Variants in KDM5A observed in about 807,000 individuals in gnomAD.
The protein encoded by KDM5A is lysine demethylase 5A, also known as lysine-specific demethylase 5A.
A neutral mutation model predicts 193.5 loss-of-function variants in KDM5A; 42 were observed. The observed-to-expected ratio is 0.22, with a 90% confidence interval of 0.17 to 0.28. The LOEUF is 0.28. Ranked by LOEUF, KDM5A falls within the 10% of genes least tolerant of loss-of-function variation. KDM5A has a pLI of 1.00. For missense variants in KDM5A, 1,692 were observed against 2,055.1 expected, an observed-to-expected ratio of 0.82 and a Z score of 3.42; for synonymous variants, 796 against 718.1, an observed-to-expected ratio of 1.11 and a Z score of -1.73.
chr12:313,765 C>T lies in KDM5A; in HGVS notation c.2898-571G>A, dbSNP rs149137890. On this transcript the variant is annotated intron_variant, in intron 19 of 27. Coordinates refer to ENST00000399788, the MANE Select transcript of KDM5A (RefSeq NM_001042603.3). ...ATTATGCTTCTACTGGGAACTAAAA[C>T]CAAATTACTATAAACTCACTGTTAT... Among the ~76,000 whole-genome samples, 266 of 152,236 alleles carry T rather than the reference C, an allele frequency of 1.7e-3. 2 individuals are homozygous for T. The highest frequency in any genetic ancestry group is 6.0e-3 in the African/African-American group (250 of 41,540).
intron 10 of KDM5A, among the ~76,000 whole-genome samples, chr12:341,826 G>A (rs998376815): frequency 4.6e-5 from 7 of 151,826 alleles, no homozygotes; most frequent in African/African-American, 1.7e-4. Flanking sequence ...CTTGAACCTG[G>A]GAGGTGGAGG....
intron 7 of KDM5A, 87 bp from the exon 8 acceptor site, chr12:354,321 T>C (rs1944203273): frequency 3.5e-6 from 3 of 865,728 alleles, no homozygotes; most frequent in South Asian, 3.4e-5. Context: ...ATAAACAAAA[T>C]AATGCAACTG....
At chr12:338,666 G>C (rs1943962963) in intron 10 of KDM5A, among the ~76,000 whole-genome samples, 1 of 152,130 alleles carries the variant, frequency 6.6e-6, no homozygotes, top group South Asian at 2.1e-4. Context: ...TACAACCACA[G>C]TATCATCTCA....
In KDM5A at chr12:307,130, T is replaced by TA. The variant is rs1429363986; in HGVS notation, c.3931-42dup. On this transcript the variant is annotated intron_variant, in intron 23 of 27. Transcript: ENST00000399788. The surrounding 1 kb of genome is among the most constrained non-coding windows in gnomAD (Gnocchi z 4.3). ...TTCCAAGATGAACAGCAAGACATGC[T>TA]AAACAGACAGGGTAATTAATGTGTG... 3.1e-6 allele frequency: 5 copies of TA among 1,612,238 alleles called. No homozygotes were observed. The highest frequency in any genetic ancestry group is 1.7e-5 in the Admixed American group (1 of 60,020).
intron 4 of KDM5A, among the ~76,000 whole-genome samples, chr12:365,045 T>C (rs1354202158): frequency 6.6e-6 from 1 of 152,108 alleles, no homozygotes; most frequent in Non-Finnish European, 1.5e-5. Context: ...TGACACATGC[T>C]ATAGCATGGC....
chr12:371,783 G>A (rs1162748961), intron 3 of KDM5A, among the ~76,000 whole-genome samples: 1 of 152,122 alleles, frequency 6.6e-6, no homozygotes, highest in Non-Finnish European at 1.5e-5. Context: ...TTTTGTATAA[G>A]TTGTAAGGAA....
In KDM5A at chr12:295,801, A is replaced by C. The variant is rs1943363543; in HGVS notation, c.4235-8T>G. 6.2e-7 allele frequency: 1 copy of C among 1,612,144 alleles called. No individual in the cohort carries two copies. ...TCCTTGGGGTGCTAGAACCTTTCCC[A>C]AAAAATACCATAAAACAAAGCAAAA... On this transcript the variant is annotated splice_polypyrimidine_tract_variant and splice_region_variant and intron_variant, in intron 25 of 27. Coordinates refer to ENST00000399788, the MANE Select transcript of KDM5A (RefSeq NM_001042603.3).
Position 295,690 on chromosome 12 carries a change from T to A in KDM5A, c.4338A>T (p.Glu1446Asp). ...GGAGATCTCCAACCATCATAAGTTC[T>A]TCCAGTTGTGCCTTAGCTCCAGGTG... ...ELSPGAKAQL[E>D]ELMMVGDLLE... Residue 1446 changes from glutamate to aspartate, a missense_variant, in exon 26 of 28, where the codon GAA becomes GAT. Physicochemically the swap from Glu to Asp is conservative, Grantham distance 45 (BLOSUM62 2). Transcript: ENST00000399788. 6.2e-7 allele frequency: 1 copy of A among 1,614,174 alleles called. No individual in the cohort carries two copies. Among genetic ancestry groups the A allele is most frequent in the Non-Finnish European group, 8.5e-7 (1 of 1,180,010 alleles).
chr12:320,314 G>T lies in KDM5A; in HGVS notation c.2541+681C>A, dbSNP rs186778206. 2.2e-4 allele frequency among the ~76,000 whole-genome samples: 33 copies of T among 152,162 alleles called. No homozygotes were observed. In the Middle Eastern group the frequency reaches 0.01, roughly 47 times the overall value. On this transcript the variant is annotated intron_variant, in intron 18 of 27. Coordinates refer to ENST00000399788, the MANE Select transcript of KDM5A (RefSeq NM_001042603.3). ...GAGTTTGAAACCAGCCTGCTAACAT[G>T]GCGAAAACCCACCTCTACTAAAACT... is the stretch of plus-strand genomic sequence containing the variant.
chr12:333,390 G>T, intron 12 of KDM5A, 97 bp downstream of exon 12: 1 of 1,374,918 alleles, frequency 7.3e-7, no homozygotes, highest in Non-Finnish European at 1.0e-6. Flanking sequence ...CTGCACTCCA[G>T]CCTGGGCAAC....
intron 27 of KDM5A, among the ~76,000 whole-genome samples, chr12:286,773 C>T (rs1212882494): frequency 6.6e-6 from 1 of 152,132 alleles, no homozygotes. Flanking sequence ...GTCAAAACCA[C>T]AGTAGTCACG....
intron 3 of KDM5A, among the ~76,000 whole-genome samples, chr12:377,668 A>C (rs1944524229): frequency 1.3e-5 from 2 of 152,222 alleles, no homozygotes; most frequent in Admixed American, 1.3e-4. Context: ...AAAAGGTCCT[A>C]AAAAATGTAT....
rs1274262814 is a variant in KDM5A, at chr12:307,762, C to A, written c.3622G>T (p.Val1208Leu). ...ATACAAAGAGGGCAAAGGAATTTTA[C>A]TTCTTTAGCTTGCCAGCTGGATCCT... ...KKGSSWQAKE[V>L]KFLCPLCMRS... Residue 1208 changes from valine (V) to leucine (L), a missense_variant, in exon 23 of 28, where the codon GTA becomes TTA. This residue lies in a region of KDM5A where 965 missense variants were observed against 1,061.0 expected (regional missense o/e 0.91). Coordinates refer to ENST00000399788, the MANE Select transcript of KDM5A (RefSeq NM_001042603.3). This position sits in a 1 kb window ranked among gnomAD's most constrained non-coding sequence, Gnocchi z 4.3. The A allele has an allele frequency of 6.2e-7, 1 of 1,614,186 alleles. No individual in the cohort carries two copies. Among genetic ancestry groups the A allele is most frequent in the Non-Finnish European group, 8.5e-7 (1 of 1,180,038 alleles).
At chr12:361,355 C>T (rs1012016477) in intron 5 of KDM5A, among the ~76,000 whole-genome samples, 8 of 151,932 alleles carry the variant, frequency 5.3e-5, no homozygotes, top group African/African-American at 1.7e-4. Context: ...CCACCACGCC[C>T]GGCTAATTTT....
Position 311,056 on chromosome 12 carries a change from G to A in KDM5A, c.3045C>T (p.Ser1015=), listed in dbSNP as rs776901877. 6.2e-7 allele frequency: 1 copy of A among 1,614,052 alleles called. No individual in the cohort carries two copies. The highest frequency in any genetic ancestry group is 1.3e-5 in the African/African-American group (1 of 75,042). Residue 1015 remains serine, a synonymous_variant, in exon 21 of 28, where the codon AGC becomes AGT. Coordinates refer to ENST00000399788, the MANE Select transcript of KDM5A (RefSeq NM_001042603.3). Reference sequence around the variant, plus strand: ...CAAGCTGCTCCAAATAAGCGTAATTGCTGCCACTCTGAAAAACCAAAGTAG... The same window carrying A: ...CAAGCTGCTCCAAATAAGCGTAATTACTGCCACTCTGAAAAACCAAAGTAG... ...TAKVEAIQSG[S]NYAYLEQLES... is the part of the protein sequence containing the mutation.
At chr12:360,985 G>A (rs971507177) in intron 5 of KDM5A, among the ~76,000 whole-genome samples, 4 of 152,054 alleles carry the variant, frequency 2.6e-5, no homozygotes, top group South Asian at 2.1e-4. Context: ...TTTTGTGTAC[G>A]GGGCAAGAAG....
chr12:375,518 G>A (rs929493681), intron 3 of KDM5A, among the ~76,000 whole-genome samples: 1 of 152,172 alleles, frequency 6.6e-6, no homozygotes, highest in Non-Finnish European at 1.5e-5. Flanking sequence ...CGATGGGTTC[G>A]AACTTCCTCC....
chr12:306,758 A>G, intron 24 of KDM5A, 188 bp downstream of exon 24: 1 of 645,126 alleles, frequency 1.6e-6, no homozygotes, highest in Admixed American at 2.6e-5. Context: ...AAAAAAAAAA[A>G]AATTGTTTCA....
At chr12:341,040 A>G (rs1473800628) in intron 10 of KDM5A, among the ~76,000 whole-genome samples, 2 of 152,240 alleles carry the variant, frequency 1.3e-5, no homozygotes, top group Non-Finnish European at 2.9e-5. Flanking sequence ...TACATTCTTA[A>G]TATTAGTTAC....
Sources: gnomAD v4.1 joint callset for allele counts (sites outside exome capture counted in the v4.1 genomes callset) on GRCh38, gnomAD v4.1.1 for gene constraint, gnomAD v4.1.1 regional missense constraint, Gnocchi (gnomAD v3.1) non-coding constraint, MANE v1.5 for transcripts, NCBI Gene and HGNC (gene_info 2026-07-23, HGNC 2026-07-21) for gene names.